Variants in SAMSN1 observed in about 807,000 individuals in gnomAD.
SAMSN1 encodes SAM domain-containing protein SAMSN-1.
Under a neutral mutation model 42.0 loss-of-function variants are expected in SAMSN1, and 31 were observed. The ratio of observed to expected loss-of-function variants is 0.74; its 90% CI spans 0.55 to 1.00. SAMSN1 has a LOEUF of 1.00. Ranked by LOEUF, SAMSN1 falls within the 50% of genes least tolerant of loss-of-function variation. SAMSN1 has a pLI of 0.00. For synonymous variants in SAMSN1, 178 were observed against 151.9 expected (o/e 1.17, Z -1.26); for missense variants, 464 against 439.4 (o/e 1.06, Z -0.50).
intron 1 of SAMSN1, among the ~76,000 whole-genome samples, chr21:14,545,991 C>T (rs946923947): frequency 6.6e-6 from 1 of 152,154 alleles, no homozygotes; most frequent in African/African-American, 2.4e-5. Context: ...TTCCAATATG[C>T]ACCATAAGAC....
upstream of SAMSN1, chr21:14,583,588 A>G (rs1460908631): frequency 1.5e-6 from 1 of 686,588 alleles, no homozygotes; most frequent in Non-Finnish European, 2.7e-6. Flanking sequence ...GGGCTTCATT[A>G]ACGTATGCTT....
At chr21:14,528,427 A>T (rs1023582978) in intron 1 of SAMSN1, among the ~76,000 whole-genome samples, 3 of 152,158 alleles carry the variant, frequency 2.0e-5, no homozygotes. Context: ...GCCCCAGCCC[A>T]TAAGGCACCC....
chr21:14,650,500 C>T lies in SAMSN1; in HGVS notation c.25-7367G>A, dbSNP rs142488903. On this transcript the variant is annotated intron_variant, in intron 1 of 15. Coordinates refer to the SAMSN1 transcript ENST00000647101. ...CTTGAAAGAAATGATAACAGAAACA[C>T]AACATACCAAAACCTATGGGATACA... 3.3e-3 allele frequency among the ~76,000 whole-genome samples: 499 copies of T among 151,976 alleles called. 2 individuals carry two copies. The highest frequency in any genetic ancestry group is 5.4e-3 in the Non-Finnish European group (367 of 67,910).
intron 3 of SAMSN1, among the ~76,000 whole-genome samples, chr21:14,613,326 A>G (rs1982758234): frequency 6.6e-6 from 1 of 152,186 alleles, no homozygotes; most frequent in African/African-American, 2.4e-5. Context: ...ATCATCAATT[A>G]TTGATAAAGC....
intron 7 of SAMSN1, among the ~76,000 whole-genome samples, chr21:14,494,710 A>C (rs80148286): frequency 6.9e-6 from 1 of 145,708 alleles, no homozygotes. Flanking sequence ...GTACAATACA[A>C]AAAAAAAAAA....
At chr21:14,647,732 T>C (rs951479691) in intron 1 of SAMSN1, among the ~76,000 whole-genome samples, 1 of 136,416 alleles carries the variant, frequency 7.3e-6, no homozygotes, top group Non-Finnish European at 1.6e-5. Flanking sequence ...CTAGGTATTT[T>C]ATTCTCTTTG....
intron 7 of SAMSN1, among the ~76,000 whole-genome samples, chr21:14,493,819 A>T (rs1986797619): frequency 2.0e-5 from 3 of 152,134 alleles, no homozygotes; most frequent in Non-Finnish European, 2.9e-5. Context: ...CCGATGACCT[A>T]ATTCCTCTCA....
intron 2 of SAMSN1, among the ~76,000 whole-genome samples, chr21:14,576,731 A>G (rs181583729): frequency 6.6e-6 from 1 of 152,222 alleles, no homozygotes; most frequent in East Asian, 1.9e-4. Flanking sequence ...TGCCTTAGAT[A>G]CCTTTAAGTA....
chr21:14,585,041 C>T (rs940346195), upstream of SAMSN1, among the ~76,000 whole-genome samples: 11 of 151,992 alleles, frequency 7.2e-5, no homozygotes, highest in Non-Finnish European at 4.4e-5. Context: ...TACCTTTTTG[C>T]ATTAAATAAG....
chr21:14,529,144 A>C (rs373449273), intron 1 of SAMSN1, among the ~76,000 whole-genome samples: 18 of 152,188 alleles, frequency 1.2e-4, no homozygotes, highest in East Asian at 9.6e-4. Context: ...TTATATCTCT[A>C]AGCTTTTGCT....
At chr21:14,616,781 T>C (rs111541596) in intron 2 of SAMSN1, among the ~76,000 whole-genome samples, 2,275 of 152,230 alleles carry the variant, frequency 0.015, 35 homozygotes, top group South Asian at 0.072. Flanking sequence ...CTAAAGAAAA[T>C]TGCAACGAAT....
At chr21:14,488,371 A>G (rs372877279) in intron 7 of SAMSN1, among the ~76,000 whole-genome samples, 3 of 152,094 alleles carry the variant, frequency 2.0e-5, no homozygotes, top group African/African-American at 7.2e-5. Context: ...TGTTCCCAAC[A>G]CTCTGTTCTA....
chr21:14,543,359 T>C (rs1980166088), intron 1 of SAMSN1, among the ~76,000 whole-genome samples: 1 of 152,182 alleles, frequency 6.6e-6, no homozygotes, highest in South Asian at 2.1e-4. Context: ...ACACTAATGA[T>C]AACACTACAC....
chr21:14,486,254 G>A (rs780482883), intron 7 of SAMSN1, 140 bp from the exon 8 acceptor site: 1 of 633,172 alleles, frequency 1.6e-6, no homozygotes, highest in Non-Finnish European at 2.7e-6. Flanking sequence ...CAAGTAAAAG[G>A]TATCTTTGTT....
upstream of SAMSN1, among the ~76,000 whole-genome samples, chr21:14,548,410 G>A (rs12106397): frequency 6.5e-3 from 992 of 152,200 alleles, 13 homozygotes; most frequent in African/African-American, 0.023. Context: ...CTATAATACA[G>A]TGCTAAAGAA....
rs1396601401 is a variant in SAMSN1, at chr21:14,512,509, G to A, written c.344C>T (p.Thr115Ile). 1.2e-6 allele frequency: 2 copies of A among 1,613,878 alleles called. No homozygotes were observed. The highest frequency in any genetic ancestry group is 1.1e-5 in the South Asian group (1 of 91,084). The change falls in exon 4 of 8, where the codon ACA (threonine) becomes ATA (isoleucine). Residue 115 changes from threonine to isoleucine, a missense_variant. Physicochemically the swap from Thr to Ile is moderately conservative, Grantham distance 89. Coordinates refer to ENST00000400566, the MANE Select transcript of SAMSN1 (RefSeq NM_022136.5). The stretch of plus-strand genomic sequence containing the variant: ...ACTGGCTTTGAGGGACACCTTCTCT[G>A]TGTGGGTCCCAATCACAGGGTCACT... ...RNSDPVIGTH[T>I]EKVSLKASDS...
At chr21:14,614,879 T>C (rs1195511254) in intron 3 of SAMSN1, among the ~76,000 whole-genome samples, 1 of 152,166 alleles carries the variant, frequency 6.6e-6, no homozygotes, top group Non-Finnish European at 1.5e-5. Flanking sequence ...TTGCTTGAAA[T>C]CTGAGGCCCA....
At chr21:14,626,004 A>T (rs1227657647) in intron 2 of SAMSN1, among the ~76,000 whole-genome samples, 1 of 152,190 alleles carries the variant, frequency 6.6e-6, no homozygotes, top group Non-Finnish European at 1.5e-5. Context: ...TCTTTGACAA[A>T]CCTGACAAAA....
chr21:14,547,580 C>A (rs1181306098), upstream of SAMSN1, among the ~76,000 whole-genome samples: 2 of 152,118 alleles, frequency 1.3e-5, no homozygotes, highest in Non-Finnish European at 2.9e-5. Context: ...GTTTATAAAT[C>A]CTCTGAATTG....
Sources: gnomAD v4.1 joint callset for allele counts (sites outside exome capture counted in the v4.1 genomes callset) on GRCh38, gnomAD v4.1.1 for gene constraint, MANE v1.5 for transcripts, NCBI Gene and HGNC (gene_info 2026-07-23, HGNC 2026-07-21) for gene names.